Variants in SKAP1 observed in about 807,000 individuals in gnomAD.
SKAP1 encodes the protein src kinase-associated phosphoprotein 1.
SKAP1 carries 44 observed loss-of-function variants against 58.5 expected under a neutral mutation model. The ratio of observed to expected loss-of-function variants is 0.75; its 90% CI spans 0.59 to 0.97. SKAP1 has a LOEUF of 0.97. Among genes scored for constraint, SKAP1 ranks in the 50% least tolerant of loss-of-function variants. The probability of loss-of-function intolerance (pLI) is 0.00; values close to 1 mark genes in which losing one functional copy is unlikely to be tolerated. For synonymous variants in SKAP1, 127 were observed against 149.7 expected (o/e 0.85, Z 1.11); for missense variants, 390 against 435.2 (o/e 0.90, Z 0.92).
chr17:48,150,404 G>T (rs919850718), intron 11 of SKAP1, among the ~76,000 whole-genome samples: 1 of 152,188 alleles, frequency 6.6e-6, no homozygotes, highest in Admixed American at 6.5e-5. Context: ...TCAAAAAGCA[G>T]GAGAGGAGGA....
chr17:48,196,330 A>G (rs566215767), intron 4 of SKAP1, among the ~76,000 whole-genome samples: 1 of 152,346 alleles, frequency 6.6e-6, no homozygotes, highest in African/African-American at 2.4e-5. Context: ...CTGGTGTCAA[A>G]AAATTATTTT....
chr17:48,191,463 G>A (rs1474774840), intron 4 of SKAP1, among the ~76,000 whole-genome samples: 2 of 152,194 alleles, frequency 1.3e-5, no homozygotes, highest in Admixed American at 1.3e-4. Context: ...CACCTATAGA[G>A]TATCTTGAGA....
intron 4 of SKAP1, among the ~76,000 whole-genome samples, chr17:48,251,674 G>T (rs574067040): frequency 7.9e-5 from 12 of 152,064 alleles, no homozygotes; most frequent in Admixed American, 3.3e-4. Context: ...AGGCATTTCA[G>T]CTATAAAATT....
intron 4 of SKAP1, among the ~76,000 whole-genome samples, chr17:48,313,651 T>C (rs2066253439): frequency 6.6e-6 from 1 of 152,216 alleles, no homozygotes; most frequent in South Asian, 2.1e-4. Context: ...TGAAAAAGTC[T>C]TCTGAGGAGA....
At chr17:48,335,783 AC>A (rs1284317143) in intron 4 of SKAP1, among the ~76,000 whole-genome samples, 1 of 152,108 alleles carries the variant, frequency 6.6e-6, no homozygotes, top group Non-Finnish European at 1.5e-5. Flanking sequence ...AGGAATACAA[AC>A]CCTCAAGATT....
At chr17:48,433,561 C>G (rs1223049003), upstream of SKAP1, among the ~76,000 whole-genome samples, 1 of 152,144 alleles carries the variant, frequency 6.6e-6, no homozygotes, top group Non-Finnish European at 1.5e-5. Flanking sequence ...GCTGCCTGCC[C>G]CTTAAAGACA....
intron 8 of SKAP1, among the ~76,000 whole-genome samples, chr17:48,180,556 T>C (rs751929946): frequency 1.3e-5 from 2 of 151,892 alleles, no homozygotes; most frequent in African/African-American, 2.4e-5. Context: ...GGGAAGAAAA[T>C]AGGCCAGAAG....
At chr17:48,292,367 C>A (rs915138064) in intron 4 of SKAP1, among the ~76,000 whole-genome samples, 20 of 151,938 alleles carry the variant, frequency 1.3e-4, no homozygotes, top group Admixed American at 1.2e-3. Context: ...AAAAACACAT[C>A]GCTTTTTTTC....
chr17:48,171,177 C>T (rs2064210791), intron 9 of SKAP1, among the ~76,000 whole-genome samples: 1 of 136,856 alleles, frequency 7.3e-6, no homozygotes, highest in Non-Finnish European at 1.5e-5. Context: ...TCTTGACTCA[C>T]TGCAACCTCC....
intron 4 of SKAP1, among the ~76,000 whole-genome samples, chr17:48,239,196 T>G (rs977325365): frequency 6.6e-6 from 1 of 152,142 alleles, no homozygotes; most frequent in African/African-American, 2.4e-5. Flanking sequence ...CTCTGGACAG[T>G]GAAATTCACA....
chr17:48,383,632 T>G (rs1209704072), intron 2 of SKAP1, among the ~76,000 whole-genome samples: 1 of 151,938 alleles, frequency 6.6e-6, no homozygotes, highest in Non-Finnish European at 1.5e-5. Context: ...AGCCTAATTT[T>G]CTCTTCCTAC....
chr17:48,224,727 A>C (rs1461008540), intron 4 of SKAP1, among the ~76,000 whole-genome samples: 1 of 152,208 alleles, frequency 6.6e-6, no homozygotes, highest in Non-Finnish European at 1.5e-5. Flanking sequence ...ACAAATGGTA[A>C]ATAAATATAT....
intron 4 of SKAP1, among the ~76,000 whole-genome samples, chr17:48,224,912 A>G (rs2065049650): frequency 6.6e-6 from 1 of 152,174 alleles, no homozygotes; most frequent in Non-Finnish European, 1.5e-5. Context: ...CATATATTTA[A>G]TGAAGTTTTG....
intron 4 of SKAP1, among the ~76,000 whole-genome samples, chr17:48,281,136 C>T (rs1239518905): frequency 2.0e-5 from 3 of 152,140 alleles, no homozygotes; most frequent in Non-Finnish European, 4.4e-5. Flanking sequence ...AGCGATACCC[C>T]TGCCTCAGCC....
At chr17:48,215,426 A>G (rs971297883) in intron 4 of SKAP1, among the ~76,000 whole-genome samples, 2 of 152,218 alleles carry the variant, frequency 1.3e-5, no homozygotes, top group African/African-American at 4.8e-5. Context: ...GAATTTTAAC[A>G]ATTGATTTGG....
chr17:48,272,257 G>T (rs1012870947), intron 4 of SKAP1, among the ~76,000 whole-genome samples: 1 of 151,244 alleles, frequency 6.6e-6, no homozygotes, highest in Non-Finnish European at 1.5e-5. Context: ...TCAGCCTCCC[G>T]AGTAGCTGGG....
At chr17:48,425,724 T>C (rs193021877) in intron 1 of SKAP1, among the ~76,000 whole-genome samples, 2 of 152,318 alleles carry the variant, frequency 1.3e-5, no homozygotes, top group Admixed American at 1.3e-4. Flanking sequence ...CGTGGTTATC[T>C]GATGTACCAG....
At chr17:48,354,422 T>C (rs1038634642) in intron 3 of SKAP1, among the ~76,000 whole-genome samples, 3 of 152,242 alleles carry the variant, frequency 2.0e-5, no homozygotes, top group Admixed American at 6.5e-5. Context: ...GTAAAGTGCA[T>C]AAATCTTAAG....
At chr17:48,269,233 AC>A (rs2065595585) in intron 4 of SKAP1, among the ~76,000 whole-genome samples, 1 of 152,234 alleles carries the variant, frequency 6.6e-6, no homozygotes, top group African/African-American at 2.4e-5. Context: ...TGAATGTTGA[AC>A]AAAACTCTAG....
Sources: gnomAD v4.1 joint callset for allele counts (sites outside exome capture counted in the v4.1 genomes callset) on GRCh38, gnomAD v4.1.1 for gene constraint, MANE v1.5 for transcripts, NCBI Gene and HGNC (gene_info 2026-07-23, HGNC 2026-07-21) for gene names.